TMEM9: variants seen among roughly 807,000 people sequenced by gnomAD.
The protein encoded by TMEM9 is transmembrane protein 9.
In TMEM9, 13 loss-of-function variants were observed where a neutral mutation model predicts 22.8. That is an observed-to-expected ratio of 0.57 (90% CI 0.37 to 0.91). The LOEUF (loss-of-function observed/expected upper bound fraction) is 0.91. Among genes scored for constraint, TMEM9 ranks in the 40% least tolerant of loss-of-function variants. The pLI is 0.01. For missense variants in TMEM9, 182 were observed against 238.1 expected (o/e 0.76, Z 1.55); for synonymous variants, 88 against 93.0 (o/e 0.95, Z 0.31).
chr1:201,164,229 G>C (rs1038024541), intron 1 of TMEM9, among the ~76,000 whole-genome samples: 1 of 152,216 alleles, frequency 6.6e-6, no homozygotes, highest in Non-Finnish European at 1.5e-5. Flanking sequence ...GTTAATGAGC[G>C]GGTGGAGGTG....
chr1:201,162,809 C>T (rs1665976999), intron 1 of TMEM9, among the ~76,000 whole-genome samples: 1 of 151,978 alleles, frequency 6.6e-6, no homozygotes, highest in Non-Finnish European at 1.5e-5. Context: ...AATATTTGCA[C>T]ATGACATATC....
rs527367909 is a variant in TMEM9, at chr1:201,140,436, A to C, written c.399+3384T>G. On this transcript the variant is annotated intron_variant, in intron 4 of 4. Coordinates refer to ENST00000367330, the MANE Select transcript of TMEM9 (RefSeq NM_001288565.2). ...CAGGGATTATGCCTAATGCTGCTGG[A>C]ATCCCAGGGGAGGCAGCGCCCAGCA... 2.7e-4 allele frequency among the ~76,000 whole-genome samples: 41 copies of C among 152,350 alleles called. 1 individual carries two copies. Among genetic ancestry groups the C allele is most frequent in the African/African-American group, 9.6e-4 (40 of 41,568 alleles).
intron 1 of TMEM9, among the ~76,000 whole-genome samples, chr1:201,152,799 C>A (rs1414937092): frequency 6.6e-6 from 1 of 152,192 alleles, no homozygotes; most frequent in East Asian, 1.9e-4. Context: ...AGAAAAGCAC[C>A]TACAGACATG....
intron 1 of TMEM9, among the ~76,000 whole-genome samples, chr1:201,170,701 G>C (rs1415709406): frequency 6.6e-6 from 1 of 152,158 alleles, no homozygotes; most frequent in South Asian, 2.1e-4. Context: ...TTTGCCCCGG[G>C]TAAACGCAAA....
intron 2 of TMEM9, among the ~76,000 whole-genome samples, chr1:201,147,873 C>T (rs1665107536): frequency 6.6e-6 from 1 of 152,202 alleles, no homozygotes; most frequent in Non-Finnish European, 1.5e-5. Flanking sequence ...ACCAGGAGGG[C>T]ATGGCTTTGC....
At chr1:201,138,738 A>G (rs1050664609) in intron 4 of TMEM9, among the ~76,000 whole-genome samples, 4 of 152,238 alleles carry the variant, frequency 2.6e-5, no homozygotes, top group African/African-American at 9.6e-5. Context: ...AATGGGTAAA[A>G]CCATCCCCTA....
chr1:201,136,949 G>A (rs143296173), intron 4 of TMEM9, among the ~76,000 whole-genome samples: 1 of 152,254 alleles, frequency 6.6e-6, no homozygotes, highest in Non-Finnish European at 1.5e-5. Flanking sequence ...GCGAAGGGGG[G>A]TGGTGAGGTG....
At chr1:201,143,106 C>G (rs1664671857) in intron 4 of TMEM9, among the ~76,000 whole-genome samples, 1 of 152,234 alleles carries the variant, frequency 6.6e-6, no homozygotes, top group African/African-American at 2.4e-5. Flanking sequence ...TGCCAGCTCC[C>G]CACCATTGCA....
chr1:201,150,920 C>T (rs1049345125), intron 2 of TMEM9, among the ~76,000 whole-genome samples: 5 of 152,158 alleles, frequency 3.3e-5, no homozygotes, highest in African/African-American at 1.2e-4. Flanking sequence ...CATCTGTGCT[C>T]GGGGCCCTCC....
intron 4 of TMEM9, among the ~76,000 whole-genome samples, chr1:201,138,141 C>A (rs1169683605): frequency 6.6e-6 from 1 of 152,060 alleles, no homozygotes; most frequent in Admixed American, 6.5e-5. Context: ...GGGTGGGGTG[C>A]TACGCTTGGA....
chr1:201,166,346 GA>G (rs963527360), intron 1 of TMEM9, among the ~76,000 whole-genome samples: 8 of 128,318 alleles, frequency 6.2e-5, no homozygotes, highest in African/African-American at 2.1e-4. Context: ...ATTGGACTTG[GA>G]AAAAAAAAGA....
chr1:201,152,127 T>TA (rs1665473555), intron 1 of TMEM9, among the ~76,000 whole-genome samples: 2 of 151,690 alleles, frequency 1.3e-5, no homozygotes, highest in Non-Finnish European at 2.9e-5. Flanking sequence ...AGCAGGTACT[T>TA]AGAGGAATGC....
intron 1 of TMEM9, among the ~76,000 whole-genome samples, chr1:201,161,480 A>T (rs1336302702): frequency 1.3e-5 from 2 of 152,230 alleles, no homozygotes; most frequent in Non-Finnish European, 2.9e-5. Flanking sequence ...TTTTCAAAAT[A>T]CACTTCAGGG....
At chr1:201,136,465 T>C (rs1020239383) in intron 4 of TMEM9, among the ~76,000 whole-genome samples, 1 of 152,134 alleles carries the variant, frequency 6.6e-6, no homozygotes, top group African/African-American at 2.4e-5. Flanking sequence ...TTAGTTTCCC[T>C]GGGAAAGAGG....
upstream of TMEM9, among the ~76,000 whole-genome samples, chr1:201,156,323 G>A (rs374491202): frequency 4.6e-5 from 7 of 152,020 alleles, no homozygotes; most frequent in African/African-American, 1.2e-4. Context: ...ATCTTTCCTC[G>A]GCTAGCATTC....
At position 201,135,828 on chromosome 1, in the gene TMEM9, G is replaced by GA. The variant is rs1001777454; in HGVS notation, c.400-14dup. Reference sequence around the variant, plus strand: ...TAGAGCGAGCATCCTGTAGTGGGAAGAAAAAAAGAGAAGATCTGGCACGGT... The same window carrying GA: ...TAGAGCGAGCATCCTGTAGTGGGAAGAAAAAAAAGAGAAGATCTGGCACGGT... On this transcript the variant is annotated splice_polypyrimidine_tract_variant and intron_variant, in intron 4 of 4. Transcript: ENST00000367330. The GA allele has an allele frequency of 1.9e-6, 3 of 1,569,742 alleles. No homozygotes were observed. Among genetic ancestry groups the GA allele is most frequent in the African/African-American group, 1.4e-5 (1 of 72,462 alleles).
intron 4 of TMEM9, among the ~76,000 whole-genome samples, chr1:201,142,831 C>T (rs745627710): frequency 2.0e-5 from 3 of 152,332 alleles, no homozygotes; most frequent in African/African-American, 4.8e-5. Context: ...GGTACATGAG[C>T]GCATAAAGGG....
At position 201,146,830 on chromosome 1, in the gene TMEM9, C is replaced by T. The variant is rs2102257615; in HGVS notation, c.177G>A (p.Val59=). ...CATGGCCAGGCACTGGCATGGGCTC[C>T]ACCACGTGCAGGCAGTTGCTACAAC... ...SQKDCNCLHV[V]EPMPVPGHDV... The change falls in exon 3 of 5, where the codon GTG becomes GTA. Residue 59 remains valine (V), a synonymous_variant. Coordinates refer to ENST00000367330, the MANE Select transcript of TMEM9 (RefSeq NM_001288565.2). The T allele has an allele frequency of 1.2e-6, 2 of 1,614,192 alleles. No individual in the cohort carries two copies. The highest frequency in any genetic ancestry group is 1.1e-5 in the South Asian group (1 of 91,090).
At chr1:201,165,248 T>C (rs1365498041) in intron 1 of TMEM9, among the ~76,000 whole-genome samples, 1 of 149,230 alleles carries the variant, frequency 6.7e-6, no homozygotes, top group Non-Finnish European at 1.5e-5. Flanking sequence ...CCAAAAATTC[T>C]AAGAATACTC....
Sources: gnomAD v4.1 joint callset for allele counts (sites outside exome capture counted in the v4.1 genomes callset) on GRCh38, gnomAD v4.1.1 for gene constraint, MANE v1.5 for transcripts, NCBI Gene and HGNC (gene_info 2026-07-23, HGNC 2026-07-21) for gene names.